The following PACS2 variants were observed in gnomAD, a reference collection of about 807,000 sequenced individuals.
PACS2 encodes the protein phosphofurin acidic cluster sorting protein 2.
Under a neutral mutation model 113.0 loss-of-function variants are expected in PACS2, and 36 were observed. That is an observed-to-expected ratio of 0.32 (90% CI 0.24 to 0.42). PACS2 has a LOEUF of 0.42. PACS2 is among the 10% of genes least tolerant of loss of function. PACS2 has a pLI of 1.00. For synonymous variants in PACS2, 589 were observed against 536.1 expected, an observed-to-expected ratio of 1.10 and a Z score of -1.36; for missense variants, 1,015 against 1,239.5, an observed-to-expected ratio of 0.82 and a Z score of 2.72.
chr14:105,377,241 T>C (rs2080818339), intron 9 of PACS2, among the ~76,000 whole-genome samples: 1 of 152,052 alleles, frequency 6.6e-6, no homozygotes, highest in Admixed American at 6.5e-5. Flanking sequence ...GGGATCCGTC[T>C]CTGGGGGATG....
At chr14:105,344,270 TG>T (rs1482942118) in intron 1 of PACS2, among the ~76,000 whole-genome samples, 1 of 150,720 alleles carries the variant, frequency 6.6e-6, no homozygotes, top group African/African-American at 2.5e-5. Context: ...TGTTTTGTTT[TG>T]TTTTTGGAAG....
intron 8 of PACS2, 30 bp downstream of exon 8, chr14:105,369,930 C>T (rs781995377): frequency 6.3e-7 from 1 of 1,577,678 alleles, no homozygotes; most frequent in South Asian, 1.1e-5. Context: ...TGCTCGCGGC[C>T]CCCACGCCTG....
chr14:105,308,003 T>A (rs1220868946), intron 1 of PACS2, among the ~76,000 whole-genome samples: 1 of 147,452 alleles, frequency 6.8e-6, no homozygotes, highest in Non-Finnish European at 1.5e-5. Flanking sequence ...GGCAACAAAG[T>A]GAGATCCCTG....
In PACS2 at chr14:105,367,504, G is replaced by C. The variant is rs1399507666; in HGVS notation, c.586+129G>C. 4.5e-6 allele frequency: 4 copies of C among 893,976 alleles called. No homozygotes were observed. In the African/African-American group the frequency reaches 6.6e-5, roughly 15 times the overall value. 55.4% of individuals were successfully genotyped at this position (893,976 alleles called of 1,614,324 possible). ...TGGGGGTCCGGAGCACGTGTCAGTT[G>C]CTCTCCTGTCTGGAAGCCACAGCAG... is the stretch of plus-strand genomic sequence containing the variant. On this transcript the variant is annotated intron_variant, in intron 5 of 24. Coordinates refer to ENST00000447393, the MANE Select transcript of PACS2 (RefSeq NM_001100913.3).
At chr14:105,370,140 C>A in intron 8 of PACS2, 1 of 450,394 alleles carries the variant, frequency 2.2e-6, no homozygotes, top group Admixed American at 4.2e-5. Context: ...GTCGGAAAGT[C>A]ATTTTCAGGG....
intron 21 of PACS2, 119 bp from the exon 22 acceptor site, chr14:105,391,512 T>TGGC: frequency 3.3e-6 from 2 of 611,310 alleles, no homozygotes. Context: ...CACTGGGGAC[T>TGGC]CCCACCCTGC....
chr14:105,356,811 T>A lies in PACS2; in HGVS notation c.423+1634T>A, dbSNP rs2060467981. 1.3e-5 allele frequency among the ~76,000 whole-genome samples: 2 copies of A among 150,262 alleles called. No homozygotes were observed. Among genetic ancestry groups the A allele is most frequent in the South Asian group, 4.2e-4 (2 of 4,744 alleles). On this transcript the variant is annotated intron_variant, in intron 4 of 24. Transcript: ENST00000447393. This position sits in a 1 kb window ranked among gnomAD's most constrained non-coding sequence, Gnocchi z 4.0. ...TCCCTGCCGGTCCCTGTGTTTCCCA[T>A]TAGCCATGCAGGCGATGTCCTGCTG...
Position 105,304,096 on chromosome 14 carries a change from AG to A in PACS2, c.-83+3119del, listed in dbSNP as rs587643367. ...CATGCCTCCCAGGCCACAGCGGTGCAGGACAGTCAGGCAGTACAGGACAGTC... is the reference window on the plus strand; with the variant it reads ...CATGCCTCCCAGGCCACAGCGGTGCAGACAGTCAGGCAGTACAGGACAGTC... On this transcript the variant is annotated intron_variant, in intron 1 of 23. Transcript: ENST00000430725. Among the ~76,000 whole-genome samples, 502 of 152,352 alleles carry A rather than the reference AG, an allele frequency of 3.3e-3. 3 individuals are homozygous for A. The highest frequency in any genetic ancestry group is 0.014 in the East Asian group (74 of 5,188).
intron 4 of PACS2, among the ~76,000 whole-genome samples, chr14:105,359,587 C>CTTTTT (rs1162190552): frequency 1.5e-3 from 149 of 101,734 alleles, no homozygotes; most frequent in African/African-American, 3.5e-3. Flanking sequence ...GTATTTCTTT[C>CTTTTT]TTTTTTTTTT....
intron 1 of PACS2, among the ~76,000 whole-genome samples, chr14:105,335,399 C>T (rs587641586): frequency 7.2e-5 from 11 of 151,998 alleles, no homozygotes; most frequent in African/African-American, 1.2e-4. Context: ...ACGCTGTGGC[C>T]GGCGCCTGGC....
intron 8 of PACS2, among the ~76,000 whole-genome samples, chr14:105,375,990 A>G (rs587757097): frequency 1.3e-5 from 2 of 152,300 alleles, no homozygotes; most frequent in South Asian, 4.1e-4. Flanking sequence ...GAAGCTGCCA[A>G]TCATGGCAGA....
At chr14:105,379,030 G>A (rs1373484642) in intron 9 of PACS2, among the ~76,000 whole-genome samples, 4 of 152,126 alleles carry the variant, frequency 2.6e-5, no homozygotes, top group East Asian at 1.9e-4. Flanking sequence ...GGATAGGCCT[G>A]GATGGTCGGG....
At position 105,324,126 on chromosome 14, in the gene PACS2, A is replaced by C. The variant is rs1284995865; in HGVS notation, c.119+9089A>C. 6.6e-6 allele frequency among the ~76,000 whole-genome samples: 1 copy of C among 152,220 alleles called. No individual in the cohort carries two copies. Among genetic ancestry groups the C allele is most frequent in the Non-Finnish European group, 1.5e-5 (1 of 68,038 alleles). ...TTCCTTGGATCTGGGCACTAGAACC[A>C]GCCCTTTCCCTCTCTCTGCCCAGCA... On this transcript the variant is annotated intron_variant, in intron 1 of 24. Coordinates refer to ENST00000447393, the MANE Select transcript of PACS2 (RefSeq NM_001100913.3). The surrounding 1 kb of genome is among the most constrained non-coding windows in gnomAD (Gnocchi z 4.7).
intron 1 of PACS2, among the ~76,000 whole-genome samples, chr14:105,345,673 A>T (rs2059896561): frequency 6.6e-6 from 1 of 152,208 alleles, no homozygotes; most frequent in African/African-American, 2.4e-5. Context: ...TGCTAGTCTA[A>T]CGCCATTTTG....
Position 105,354,241 on chromosome 14 carries a change from G to A in PACS2, c.298-811G>A, listed in dbSNP as rs1455130159. Among the ~76,000 whole-genome samples, 3 of 152,148 alleles carry A rather than the reference G, an allele frequency of 2.0e-5. No individual in the cohort carries two copies. Among genetic ancestry groups the A allele is most frequent in the East Asian group, 1.9e-4 (1 of 5,160 alleles). On this transcript the variant is annotated intron_variant, in intron 3 of 24. Coordinates refer to ENST00000447393, the MANE Select transcript of PACS2 (RefSeq NM_001100913.3). The surrounding 1 kb of genome is among the most constrained non-coding windows in gnomAD (Gnocchi z 4.2). ...AGGCAGGAGGATTGCTTGAACCCAG[G>A]AGGTGGAGGTGACAGTGAGCCCGGC...
chr14:105,344,653 CTTT>C (rs1305908315), intron 1 of PACS2, among the ~76,000 whole-genome samples: 2 of 152,136 alleles, frequency 1.3e-5, no homozygotes, highest in Non-Finnish European at 2.9e-5. Context: ...CTACTTTCTT[CTTT>C]GTTTGGGTAG....
At chr14:105,390,964 T>G (rs1482235835) in intron 20 of PACS2, 2 of 575,736 alleles carry the variant, frequency 3.5e-6, no homozygotes, top group South Asian at 2.1e-5. Context: ...GGGCCGACTT[T>G]AGAGAGAGCA....
intron 8 of PACS2, 28 bp downstream of exon 8, chr14:105,369,928 G>A (rs782269633): frequency 6.3e-7 from 1 of 1,580,892 alleles, no homozygotes; most frequent in South Asian, 1.1e-5. Context: ...TCTGCTCGCG[G>A]CCCCCACGCC....
chr14:105,318,854 G>C (rs192847636), intron 1 of PACS2, among the ~76,000 whole-genome samples: 3 of 151,428 alleles, frequency 2.0e-5, no homozygotes, highest in East Asian at 3.9e-4. Flanking sequence ...TAGAGATGGG[G>C]TTTCACCGTG....
Sources: gnomAD v4.1 joint callset for allele counts (sites outside exome capture counted in the v4.1 genomes callset) on GRCh38, gnomAD v4.1.1 for gene constraint, Gnocchi (gnomAD v3.1) non-coding constraint, MANE v1.5 for transcripts, NCBI Gene and HGNC (gene_info 2026-07-23, HGNC 2026-07-21) for gene names.